Variants in CD163L1 observed in about 807,000 individuals in gnomAD.
CD163L1 encodes scavenger receptor cysteine-rich type 1 protein M160.
A neutral mutation model predicts 165.4 loss-of-function variants in CD163L1; 124 were observed. That is an observed-to-expected ratio of 0.75 (90% CI 0.65 to 0.87). The LOEUF (loss-of-function observed/expected upper bound fraction) is 0.87, where lower values mean the gene tolerates loss of function less well. Ranked by LOEUF, CD163L1 falls within the 40% of genes least tolerant of loss-of-function variation. The pLI is 0.00. For missense variants in CD163L1, 1,525 were observed against 1,799.9 expected, an observed-to-expected ratio of 0.85 and a Z score of 2.76; for synonymous variants, 585 against 662.2, an observed-to-expected ratio of 0.88 and a Z score of 1.79.
At chr12:7,420,453 A>T (rs1948326565) in intron 4 of CD163L1, among the ~76,000 whole-genome samples, 1 of 152,166 alleles carries the variant, frequency 6.6e-6, no homozygotes, top group African/African-American at 2.4e-5. Context: ...TTCACAATCT[A>T]CACATCCGAC....
intron 4 of CD163L1, among the ~76,000 whole-genome samples, chr12:7,421,673 G>GTA (rs1764560250): frequency 8.0e-6 from 1 of 125,606 alleles, no homozygotes; most frequent in African/African-American, 2.9e-5. Context: ...ATACATATAC[G>GTA]TGCATATGTA....
At chr12:7,440,129 C>G in intron 2 of CD163L1, 1 of 704,874 alleles carries the variant, frequency 1.4e-6, no homozygotes, top group Non-Finnish European at 2.5e-6. Context: ...GCCGCGCCAG[C>G]GTGGCCACGT....
intron 8 of CD163L1, among the ~76,000 whole-genome samples, chr12:7,395,587 G>A (rs140467649): frequency 0.032 from 4,879 of 152,164 alleles, 115 homozygotes; most frequent in Non-Finnish European, 0.047. Context: ...AGAACTTAAA[G>A]TATAATAATA....
chr12:7,348,340 T>G (rs952999102), intron 4 of CD163L1, among the ~76,000 whole-genome samples: 1 of 152,208 alleles, frequency 6.6e-6, no homozygotes, highest in African/African-American at 2.4e-5. Context: ...ATATAGCTAA[T>G]GCACAGACCT....
At chr12:7,407,008 T>C (rs1283168195) in intron 4 of CD163L1, among the ~76,000 whole-genome samples, 156 bp from the exon 5 acceptor site, 1 of 152,206 alleles carries the variant, frequency 6.6e-6, no homozygotes, top group Non-Finnish European at 1.5e-5. Flanking sequence ...AAGTTTAATG[T>C]AATAGAATCT....
At chr12:7,332,391 T>A in the CD163L1 span, among the ~76,000 whole-genome samples, 1 of 152,094 alleles carries the variant, frequency 6.6e-6, no homozygotes, top group African/African-American at 2.4e-5. Context: ...TTCCCCAATC[T>A]AGCAAGGCAG....
At position 7,367,343 on chromosome 12, in the gene CD163L1, T is replaced by A. The variant is rs1213391322; in HGVS notation, c.4184-12A>T. On this transcript the variant is annotated splice_polypyrimidine_tract_variant and intron_variant, in intron 17 of 19. Transcript: ENST00000313599. ...CCTTCTGGTTGAAACTGAGAATGGA[T>A]GCTTCATGGTTAGGATTCAAATTCA... The A allele has an allele frequency of 5.1e-6, 8 of 1,570,578 alleles. No homozygotes were observed. The Admixed American group carries it at 8.3e-5, about 16-fold the overall frequency.
chr12:7,432,694 G>A lies in CD163L1; in HGVS notation c.488C>T (p.Ser163Phe). ...LGLRLVDGNN[S>F]CSGRVEVKFQ... is the part of the protein sequence containing the mutation. The stretch of plus-strand genomic sequence containing the variant: ...TTTCACCTCCACTCTCCCTGAACAG[G>A]AGTTGTTTCCATCCACTAGCCTCAA... Residue 163 changes from serine (S) to phenylalanine (F), a missense_variant, in exon 4 of 20, where the codon TCC becomes TTC. Physicochemically the swap from Ser to Phe is radical, Grantham distance 155 (BLOSUM62 -2). Coordinates refer to ENST00000313599, the MANE Select transcript of CD163L1 (RefSeq NM_174941.6). The surrounding 1 kb of genome is among the most constrained non-coding windows in gnomAD (Gnocchi z 4.2). 3 of 1,613,218 alleles carry A rather than the reference G, an allele frequency of 1.9e-6. No individual in the cohort carries two copies. Among genetic ancestry groups the A allele is most frequent in the Non-Finnish European group, 2.5e-6 (3 of 1,179,558 alleles).
intron 18 of CD163L1, among the ~76,000 whole-genome samples, chr12:7,360,739 T>C (rs1214849224): frequency 6.6e-6 from 1 of 152,192 alleles, no homozygotes; most frequent in Non-Finnish European, 1.5e-5. Flanking sequence ...ATAGCTTTCA[T>C]GCTGTTACAG....
At chr12:7,323,641 C>A in the CD163L1 span, 3 of 1,243,958 alleles carry the variant, frequency 2.4e-6, no homozygotes, top group South Asian at 1.3e-5. Context: ...GCTATGTAAT[C>A]TTGGGCAAGC....
chr12:7,393,510 C>T (rs1047498370), intron 8 of CD163L1, among the ~76,000 whole-genome samples: 1 of 152,172 alleles, frequency 6.6e-6, no homozygotes, highest in African/African-American at 2.4e-5. Context: ...TGAAAACTGG[C>T]ACAAGACAAG....
rs1246798546 is a variant in CD163L1 at position 7,347,451 on chromosome 12, T to C, written c.*25-304A>G. On this transcript the variant is annotated intron_variant, in intron 4 of 4. Coordinates refer to the CD163L1 transcript ENST00000539726. This position sits in a 1 kb window ranked among gnomAD's most constrained non-coding sequence, Gnocchi z 4.2. ...GGTGGTTACTTTCCTTATATCTTTA[T>C]AACCAGTTTATCTTGGTTAATTTCT... Among the ~76,000 whole-genome samples, 1 of 152,192 alleles carries C rather than the reference T, an allele frequency of 6.6e-6. No individual in the cohort carries two copies. Among genetic ancestry groups the C allele is most frequent in the Non-Finnish European group, 1.5e-5 (1 of 68,044 alleles).
chr12:7,332,909 A>G, the CD163L1 span, among the ~76,000 whole-genome samples: 1 of 152,216 alleles, frequency 6.6e-6, no homozygotes, highest in Admixed American at 6.5e-5. Flanking sequence ...CATCATAATG[A>G]CAGGATCAAA....
chr12:7,358,632 T>C (rs1207307186), intron 18 of CD163L1, among the ~76,000 whole-genome samples: 1 of 152,004 alleles, frequency 6.6e-6, no homozygotes, highest in Non-Finnish European at 1.5e-5. Context: ...TATAAAACCT[T>C]ACACCAACAC....
At chr12:7,326,423 TG>T in the CD163L1 span, among the ~76,000 whole-genome samples, 1 of 152,224 alleles carries the variant, frequency 6.6e-6, no homozygotes, top group South Asian at 2.1e-4. Flanking sequence ...TTGACCAGGC[TG>T]GTTTCAAACT....
chr12:7,330,027 C>A, the CD163L1 span, among the ~76,000 whole-genome samples: 1 of 152,158 alleles, frequency 6.6e-6, no homozygotes. Context: ...TGTCTTGGAG[C>A]AAGTCTACTG....
intron 3 of CD163L1, among the ~76,000 whole-genome samples, chr12:7,433,150 GTCTC>G (rs956626612): frequency 9.2e-5 from 14 of 152,134 alleles, no homozygotes; most frequent in Admixed American, 2.6e-4. Flanking sequence ...TTCTCTCTCT[GTCTC>G]TCTCTTTCTC....
At chr12:7,443,115 TGCTAGATAGAAGGCA>T (rs1948850784) in intron 1 of CD163L1, among the ~76,000 whole-genome samples, 1 of 152,210 alleles carries the variant, frequency 6.6e-6, no homozygotes, top group Non-Finnish European at 1.5e-5. Context: ...AGATGAGCCT[TGCTAGATAGAAGGCA>T]GCCAAGCTTC....
chr12:7,368,001 T>G lies in CD163L1; in HGVS notation c.4183+86A>C. On this transcript the variant is annotated intron_variant, in intron 17 of 19. Coordinates refer to ENST00000313599, the MANE Select transcript of CD163L1 (RefSeq NM_174941.6). This position sits in a 1 kb window ranked among gnomAD's most constrained non-coding sequence, Gnocchi z 4.3. ...ATCTCACTCAAAGTGGCAAGTGCAT[T>G]TCTTCCATTCTGCAAGAATCCCCCA... 1 of 790,234 alleles carries G rather than the reference T, an allele frequency of 1.3e-6. No individual in the cohort carries two copies. The highest frequency in any genetic ancestry group is 2.2e-6 in the Non-Finnish European group (1 of 452,146). 49.0% of individuals were successfully genotyped at this position (790,234 alleles called of 1,614,324 possible).
Sources: gnomAD v4.1 joint callset for allele counts (sites outside exome capture counted in the v4.1 genomes callset) on GRCh38, gnomAD v4.1.1 for gene constraint, Gnocchi (gnomAD v3.1) non-coding constraint, MANE v1.5 for transcripts, NCBI Gene and HGNC (gene_info 2026-07-23, HGNC 2026-07-21) for gene names.